Variants in VPS35 observed in about 807,000 individuals in gnomAD.
The protein encoded by VPS35 is VPS35 retromer complex component.
Under a neutral mutation model 98.1 loss-of-function variants are expected in VPS35, and 21 were observed. That is an observed-to-expected ratio of 0.21 (90% confidence interval 0.15 to 0.31). The LOEUF is 0.31. VPS35 is among the 10% of genes least tolerant of loss of function. The pLI is 1.00. For missense variants in VPS35, 554 were observed against 950.8 expected, an observed-to-expected ratio of 0.58 and a Z score of 5.49; for synonymous variants, 268 against 318.2, an observed-to-expected ratio of 0.84 and a Z score of 1.68.
intron 1 of VPS35, among the ~76,000 whole-genome samples, chr16:46,687,312 T>A (rs776638637): frequency 3.9e-5 from 6 of 152,180 alleles, no homozygotes; most frequent in Non-Finnish European, 8.8e-5. Context: ...GAAATAAGGA[T>A]GATGAGGGCA....
chr16:46,675,136 T>C (rs1449871582), intron 8 of VPS35, among the ~76,000 whole-genome samples: 1 of 139,516 alleles, frequency 7.2e-6, no homozygotes, highest in Non-Finnish European at 1.6e-5. Context: ...TGAAACCTTT[T>C]TCATCAGCAT....
Position 46,660,477 on chromosome 16 carries a change from G to C in VPS35, c.2386C>G (p.Leu796Val). 1.2e-6 allele frequency: 2 copies of C among 1,613,784 alleles called. No individual in the cohort carries two copies. The highest frequency in any genetic ancestry group is 1.7e-6 in the Non-Finnish European group (2 of 1,179,992). Residue 796 changes from leucine to valine, a missense_variant, in exon 17 of 17, where the codon CTT (leucine) becomes GTT (valine). Physicochemically the swap from Leu to Val is conservative, Grantham distance 32. This residue lies in a region of VPS35 where 153 missense variants were observed against 211.0 expected (regional missense o/e 0.73). Transcript: ENST00000299138. ...SEGPIYEGLI[L>V] ...TATGGTGAGCTATTTCCTTTTTAAA[G>C]GATGAGACCTTCATAAATTGGCCCC...
rs1340137574 is a variant in VPS35 at position 46,672,439 on chromosome 16, G to A, written c.1194C>T (p.Leu398=). Residue 398 remains leucine (L), a synonymous_variant, in exon 11 of 17, where the codon CTC becomes CTT. Coordinates refer to ENST00000299138, the MANE Select transcript of VPS35 (RefSeq NM_018206.6). ...CAACTGGTATTTTCAAAAGTCTGGT[G>A]AGTTCCTTTGAAACTGCACTACTGG... ...IATSSAVSKE[L]TRLLKIPVDT... The A allele has an allele frequency of 3.1e-6, 5 of 1,613,004 alleles. No homozygotes were observed. The highest frequency in any genetic ancestry group is 1.1e-5 in the South Asian group (1 of 91,028).
In VPS35 at chr16:46,661,251, C is replaced by T. The variant is rs1228241816; in HGVS notation, c.2211+467G>A. Among the ~76,000 whole-genome samples, 1 of 152,156 alleles carries T rather than the reference C, an allele frequency of 6.6e-6. No individual in the cohort carries two copies. The highest frequency in any genetic ancestry group is 1.5e-5 in the Non-Finnish European group (1 of 68,030). The stretch of plus-strand genomic sequence containing the variant: ...ATTATTATTATTATTATTTTTGAGA[C>T]GGAGTTTCACTCTTGTTGCCCAGGC... On this transcript the variant is annotated intron_variant, in intron 16 of 16. Transcript: ENST00000299138. This position sits in a 1 kb window ranked among gnomAD's most constrained non-coding sequence, Gnocchi z 4.3.
chr16:46,668,791 A>T, intron 13 of VPS35, 139 bp downstream of exon 13: 1 of 1,173,546 alleles, frequency 8.5e-7, no homozygotes, highest in African/African-American at 1.6e-5. Flanking sequence ...ACAAATAGAG[A>T]GTTGGCGAAA....
In VPS35 at chr16:46,682,127, C is replaced by T. The variant is rs193077277; in HGVS notation, c.151G>A (p.Gly51Ser). Residue 51 changes from glycine to serine, a missense_variant, in exon 3 of 17, where the codon GGT becomes AGT. Gly to Ser is a moderately conservative substitution (Grantham distance 56). This residue lies in a region of VPS35 where 67 missense variants were observed against 103.3 expected (regional missense o/e 0.65). Transcript: ENST00000299138. ...GATAACATAGAAGTCCGGAGTTCAC[C>T]AAGCATATTAGAAGCATGTTTTAGA... ...DALKHASNMLGELRTSMLSPK... is the reference protein window; with the variant it reads ...DALKHASNMLSELRTSMLSPK... 2.3e-4 allele frequency: 371 copies of T among 1,613,488 alleles called. 2 individuals are homozygous for T. The highest frequency in any genetic ancestry group is 6.5e-4 in the East Asian group (29 of 44,794).
chr16:46,662,131 G>A, intron 15 of VPS35, 112 bp downstream of exon 15: 7 of 1,578,636 alleles, frequency 4.4e-6, no homozygotes, highest in Non-Finnish European at 6.1e-6. Context: ...AAGCAATTTT[G>A]TTCATCAGAT....
chr16:46,666,171 T>G (rs1361525092), intron 13 of VPS35, among the ~76,000 whole-genome samples: 1 of 151,702 alleles, frequency 6.6e-6, no homozygotes, highest in African/African-American at 2.4e-5. Context: ...CCCAAAGTGC[T>G]AGGATGACAG....
intron 13 of VPS35, among the ~76,000 whole-genome samples, chr16:46,668,488 T>C (rs904187827): frequency 1.3e-5 from 2 of 152,218 alleles, no homozygotes; most frequent in Non-Finnish European, 2.9e-5. Flanking sequence ...TGAGGTATTT[T>C]CTTCAAAACT....
chr16:46,677,482 A>T (rs2062214220), intron 6 of VPS35, 84 bp from the exon 7 acceptor site: 2 of 1,126,672 alleles, frequency 1.8e-6, no homozygotes, highest in Non-Finnish European at 2.7e-6. Flanking sequence ...TTGAACTACT[A>T]ACTTGAAAAT....
intron 13 of VPS35, among the ~76,000 whole-genome samples, chr16:46,664,225 C>A (rs2143006151): frequency 6.6e-6 from 1 of 152,128 alleles, no homozygotes; most frequent in Middle Eastern, 3.4e-3. Context: ...TTGGTGCGAT[C>A]TCGGCTCACT....
At chr16:46,673,036 G>A (rs1248670870) in intron 10 of VPS35, among the ~76,000 whole-genome samples, 1 of 152,152 alleles carries the variant, frequency 6.6e-6, no homozygotes, top group Non-Finnish European at 1.5e-5. Context: ...TTTAGAGGTT[G>A]TTATTTCTAA....
Position 46,674,680 on chromosome 16 carries a change from C to T in VPS35, c.915-20G>A. ...GCTAATCTAAAAAAAAAAAAAACAC[C>T]CCTTTATTTTAAAAGATACAGGGTT... is the stretch of plus-strand genomic sequence containing the variant. On this transcript the variant is annotated intron_variant, in intron 8 of 16. Transcript: ENST00000299138. 6.3e-6 allele frequency: 9 copies of T among 1,424,356 alleles called. No individual in the cohort carries two copies. Among genetic ancestry groups the T allele is most frequent in the Non-Finnish European group, 8.8e-6 (9 of 1,017,272 alleles). The allele number at this position is 1,424,356 out of a possible 1,614,324, so 88.2% of individuals were successfully genotyped here.
At position 46,660,629 on chromosome 16, in the gene VPS35, T is replaced by A. The variant is rs747505018; in HGVS notation, c.2234A>T (p.Gln745Leu). ...NDAVTIQVLN[Q>L]LIQKIREDLP... ...GTCTTCTCGAATCTTTTGGATAAGC[T>A]GGTTTAAAACCTGAATTGTTACCTA... The change falls in exon 17 of 17, where the codon CAG becomes CTG. Residue 745 changes from glutamine (Q) to leucine (L), a missense_variant. Around this residue, in one of 5 missense-constraint regions of VPS35, gnomAD observed 153 missense variants for 211.0 expected, o/e 0.73. Transcript: ENST00000299138. The A allele has an allele frequency of 6.2e-7, 1 of 1,614,018 alleles. No individual in the cohort carries two copies. Among genetic ancestry groups the A allele is most frequent in the East Asian group, 2.2e-5 (1 of 44,886 alleles).
In VPS35 at chr16:46,660,331, G is replaced by T; in HGVS notation, c.*141C>A. ...GTCCTGAAGGTGAGTGTCCGGAGGT[G>T]CTGGGTAAAACACATCACAGGTAAG... On this transcript the variant is annotated 3_prime_UTR_variant, in exon 17 of 17. Transcript: ENST00000299138. 1.0e-6 allele frequency: 1 copy of T among 984,478 alleles called. No individual in the cohort carries two copies. Among genetic ancestry groups the T allele is most frequent in the Non-Finnish European group, 1.5e-6 (1 of 648,178 alleles). The allele number at this position is 984,478 out of a possible 1,614,324, so 61.0% of individuals were successfully genotyped here.
intron 2 of VPS35, 171 bp downstream of exon 2, chr16:46,683,337 C>G (rs1395005487): frequency 1.5e-6 from 1 of 664,788 alleles, no homozygotes; most frequent in Non-Finnish European, 2.7e-6. Flanking sequence ...GTAAACAGGG[C>G]TCTTTGTTGA....
At chr16:46,686,765 TA>T (rs1256721123) in intron 1 of VPS35, among the ~76,000 whole-genome samples, 2 of 152,222 alleles carry the variant, frequency 1.3e-5, no homozygotes, top group Non-Finnish European at 2.9e-5. Flanking sequence ...TTTCCATTTG[TA>T]AATGACCGTA....
chr16:46,680,887 T>C, intron 4 of VPS35, 34 bp from the exon 5 acceptor site: 1 of 1,588,074 alleles, frequency 6.3e-7, no homozygotes, highest in East Asian at 2.2e-5. Context: ...TGATTAGAAA[T>C]AAAATATTCA....
intron 13 of VPS35, among the ~76,000 whole-genome samples, chr16:46,665,709 C>G: frequency 6.6e-6 from 1 of 151,934 alleles, no homozygotes; most frequent in East Asian, 1.9e-4. Context: ...TGCCCTAAAT[C>G]GTTTTGATCC....
Sources: gnomAD v4.1 joint callset for allele counts (sites outside exome capture counted in the v4.1 genomes callset) on GRCh38, gnomAD v4.1.1 for gene constraint, gnomAD v4.1.1 regional missense constraint, Gnocchi (gnomAD v3.1) non-coding constraint, MANE v1.5 for transcripts, NCBI Gene and HGNC (gene_info 2026-07-23, HGNC 2026-07-21) for gene names.